PACSIN2: variants seen among roughly 807,000 people sequenced by gnomAD.
PACSIN2 encodes protein kinase C and casein kinase substrate in neurons 2, also known as protein kinase C and casein kinase substrate in neurons protein 2.
Under a neutral mutation model 63.8 loss-of-function variants are expected in PACSIN2, and 25 were observed. The ratio of observed to expected loss-of-function variants is 0.39; its 90% CI spans 0.29 to 0.55. The LOEUF (loss-of-function observed/expected upper bound fraction) is 0.55, where lower values mean the gene tolerates loss of function less well. Ranked by LOEUF, PACSIN2 falls within the 20% of genes least tolerant of loss-of-function variation. PACSIN2 has a pLI of 0.62. For synonymous variants in PACSIN2, 255 were observed against 256.2 expected (o/e 1.00, Z 0.05); for missense variants, 518 against 646.9 (o/e 0.80, Z 2.16).
intron 1 of PACSIN2, among the ~76,000 whole-genome samples, chr22:43,010,304 C>G (rs1047414193): frequency 5.3e-5 from 8 of 150,388 alleles, no homozygotes; most frequent in African/African-American, 1.7e-4. Context: ...TTTGGGAACC[C>G]GAGATGGGAG....
chr22:43,012,890 G>C (rs1601628863), intron 1 of PACSIN2, among the ~76,000 whole-genome samples: 1 of 152,232 alleles, frequency 6.6e-6, no homozygotes, highest in East Asian at 1.9e-4. Context: ...CCGACCTCTG[G>C]TGATCCGCCC....
chr22:43,002,018 G>A (rs1462968568), intron 1 of PACSIN2, among the ~76,000 whole-genome samples: 1 of 152,302 alleles, frequency 6.6e-6, no homozygotes, highest in East Asian at 1.9e-4. Flanking sequence ...CAGTCCATGG[G>A]GAGGGGACAT....
At chr22:42,983,488 T>TAAAA (rs1279498597) in intron 1 of PACSIN2, among the ~76,000 whole-genome samples, 5 of 6,416 alleles carry the variant, frequency 7.8e-4, no homozygotes, top group African/African-American at 5.2e-3. Flanking sequence ...AGACTCCATC[T>TAAAA]CAAAAAAAAA....
chr22:42,993,327 AG>A (rs1286991137), intron 1 of PACSIN2, among the ~76,000 whole-genome samples: 1 of 152,218 alleles, frequency 6.6e-6, no homozygotes, highest in Non-Finnish European at 1.5e-5. Flanking sequence ...AAGTGGCAAG[AG>A]GAACCCTCAG....
In PACSIN2 at chr22:43,012,391, G is replaced by A. The variant is rs1204573216; in HGVS notation, c.-78+2630C>T. ...GCCTGGCCATCAGAGATGTGGATGG[G>A]TATCCAGGATTAGGGAAAAGTTCAT... On this transcript the variant is annotated intron_variant, in intron 1 of 10. Transcript: ENST00000263246. Among the ~76,000 whole-genome samples, 4 of 152,020 alleles carry A rather than the reference G, an allele frequency of 2.6e-5. No individual in the cohort carries two copies. In the East Asian group the frequency reaches 7.8e-4, roughly 29 times the overall value.
intron 1 of PACSIN2, among the ~76,000 whole-genome samples, chr22:42,990,034 ATG>A (rs1313122497): frequency 1.8e-3 from 44 of 24,416 alleles, no homozygotes; most frequent in South Asian, 8.6e-3. Context: ...ATGTATATAT[ATG>A]TATATATATA....
intron 1 of PACSIN2, among the ~76,000 whole-genome samples, chr22:42,924,102 T>C (rs922220136): frequency 3.4e-5 from 5 of 149,010 alleles, no homozygotes; most frequent in Admixed American, 6.7e-5. Flanking sequence ...AATGGCCCCA[T>C]ACTAGAAGGA....
At chr22:42,933,070 C>G (rs1932815384) in intron 1 of PACSIN2, among the ~76,000 whole-genome samples, 1 of 152,218 alleles carries the variant, frequency 6.6e-6, no homozygotes, top group African/African-American at 2.4e-5. Flanking sequence ...TTGAAAACAC[C>G]TGGCAAAGCC....
chr22:42,873,832 C>T (rs1362052228), intron 10 of PACSIN2, among the ~76,000 whole-genome samples: 1 of 150,738 alleles, frequency 6.6e-6, no homozygotes, highest in Non-Finnish European at 1.5e-5. Context: ...GTCACTCCAT[C>T]ACCCAGGCTG....
intron 1 of PACSIN2, among the ~76,000 whole-genome samples, chr22:43,013,592 A>C (rs1924644174): frequency 6.6e-6 from 1 of 152,208 alleles, no homozygotes; most frequent in Non-Finnish European, 1.5e-5. Context: ...CTGGCATTCA[A>C]CACTGCCTGC....
intron 1 of PACSIN2, among the ~76,000 whole-genome samples, chr22:42,963,802 T>C (rs529675210): frequency 6.6e-6 from 1 of 151,494 alleles, no homozygotes; most frequent in East Asian, 2.0e-4. Flanking sequence ...AATCAAGATA[T>C]TTGGCAAAAG....
intron 5 of PACSIN2, among the ~76,000 whole-genome samples, chr22:42,887,785 T>A (rs905525573): frequency 1.3e-5 from 2 of 152,138 alleles, no homozygotes; most frequent in African/African-American, 4.8e-5. Context: ...CTGCGGAGCA[T>A]GTAATAGTTT....
intron 2 of PACSIN2, among the ~76,000 whole-genome samples, chr22:42,899,241 C>T (rs113997651): frequency 0.011 from 1,630 of 152,304 alleles, 31 homozygotes; most frequent in African/African-American, 0.037. Context: ...AGAAAATGAA[C>T]GCGAATACCT....
intron 10 of PACSIN2, among the ~76,000 whole-genome samples, chr22:42,874,212 G>A (rs1463487501): frequency 6.6e-6 from 1 of 152,036 alleles, no homozygotes; most frequent in Non-Finnish European, 1.5e-5. Context: ...TACGTAGGAG[G>A]CTGAGGTGGG....
At chr22:42,968,489 T>C (rs1921009865) in intron 1 of PACSIN2, among the ~76,000 whole-genome samples, 1 of 152,148 alleles carries the variant, frequency 6.6e-6, no homozygotes, top group Non-Finnish European at 1.5e-5. Context: ...TTTGAACCCT[T>C]ATTCGAGATT....
chr22:42,926,447 G>C (rs1305084629), intron 1 of PACSIN2, among the ~76,000 whole-genome samples: 1 of 152,118 alleles, frequency 6.6e-6, no homozygotes, highest in African/African-American at 2.4e-5. Context: ...CCGAAAACCA[G>C]AGGATTTCAA....
chr22:42,890,007 T>TC (rs1929788210), intron 4 of PACSIN2, among the ~76,000 whole-genome samples: 1 of 150,094 alleles, frequency 6.7e-6, no homozygotes, highest in Non-Finnish European at 1.5e-5. Flanking sequence ...AAAGGGACTT[T>TC]TTTTTTTTTT....
chr22:42,955,656 T>C (rs1340699132), intron 1 of PACSIN2, among the ~76,000 whole-genome samples: 5 of 152,230 alleles, frequency 3.3e-5, no homozygotes, highest in African/African-American at 1.2e-4. Flanking sequence ...GTATGAAAGA[T>C]TTATCCACCA....
intron 1 of PACSIN2, among the ~76,000 whole-genome samples, chr22:42,986,632 C>A (rs577168229): frequency 2.0e-5 from 3 of 152,132 alleles, no homozygotes. Flanking sequence ...CATGGGAACA[C>A]AATGACTTCA....
Sources: allele counts gnomAD v4.1 joint callset (sites outside exome capture counted in the v4.1 genomes callset), GRCh38; gene constraint gnomAD v4.1.1; transcripts MANE v1.5; gene names NCBI Gene and HGNC (gene_info 2026-07-23, HGNC 2026-07-21).